LRRC40: variants seen among roughly 807,000 people sequenced by gnomAD.
LRRC40 encodes leucine-rich repeat-containing protein 40.
LRRC40 carries 76 observed loss-of-function variants against 72.8 expected under a neutral mutation model. The ratio of observed to expected loss-of-function variants is 1.04; its 90% confidence interval spans 0.87 to 1.26. The LOEUF is 1.26. LRRC40 is among the 50% of genes most tolerant of loss of function. LRRC40 has a pLI of 0.00. For synonymous variants in LRRC40, 243 were observed against 254.2 expected (o/e 0.96, Z 0.42); for missense variants, 684 against 698.9 (o/e 0.98, Z 0.24).
chr1:70,168,185 C>T (rs370998179), intron 9 of LRRC40, among the ~76,000 whole-genome samples: 126 of 152,268 alleles, frequency 8.3e-4, no homozygotes, highest in African/African-American at 3.0e-3. Context: ...ATCCTGCCAC[C>T]AGCTTCCTGT....
chr1:70,179,301 T>C (rs1668190014), intron 5 of LRRC40, among the ~76,000 whole-genome samples: 2 of 151,884 alleles, frequency 1.3e-5, no homozygotes, highest in East Asian at 1.9e-4. Flanking sequence ...GGGCAACATA[T>C]AGTGAAACAT....
At chr1:70,147,713 G>C (rs1166782862) in intron 14 of LRRC40, among the ~76,000 whole-genome samples, 1 of 152,104 alleles carries the variant, frequency 6.6e-6, no homozygotes, top group African/African-American at 2.4e-5. Flanking sequence ...TGAGGTACTA[G>C]AGCAGATACC....
At chr1:70,159,565 TG>T (rs1232754226) in intron 9 of LRRC40, 127 bp from the exon 10 acceptor site, 3 of 437,386 alleles carry the variant, frequency 6.9e-6, no homozygotes, top group Non-Finnish European at 1.3e-5. Context: ...TTTAGTCATA[TG>T]CTTTATTTCC....
intron 1 of LRRC40, among the ~76,000 whole-genome samples, chr1:70,203,712 G>A (rs1310440120): frequency 6.6e-6 from 1 of 152,134 alleles, no homozygotes; most frequent in Non-Finnish European, 1.5e-5. Context: ...TGAGAAATTA[G>A]GGCACAGAGT....
rs539045607 is a variant in LRRC40 at position 70,195,695 on chromosome 1, G to A, written c.152-6422C>T. On this transcript the variant is annotated intron_variant, in intron 1 of 14. Coordinates refer to ENST00000370952, the MANE Select transcript of LRRC40 (RefSeq NM_017768.5). ...CTCACCCAAGCTGGAGAGCAGTGGC[G>A]CAGTCCTGGCTCACTGCAACCTCCG... 3.9e-5 allele frequency among the ~76,000 whole-genome samples: 6 copies of A among 152,220 alleles called. No homozygotes were observed. The East Asian group carries it at 7.7e-4, about 20-fold the overall frequency.
Position 70,148,648 on chromosome 1 carries a change from T to G in LRRC40, c.1542A>C (p.Leu514=). 6.2e-7 allele frequency: 1 copy of G among 1,610,250 alleles called. No individual in the cohort carries two copies. The highest frequency in any genetic ancestry group is 1.1e-5 in the South Asian group (1 of 90,754). The change falls in exon 14 of 15, where the codon CTA becomes CTC. Residue 514 remains leucine (L), a synonymous_variant. Coordinates refer to ENST00000370952, the MANE Select transcript of LRRC40 (RefSeq NM_017768.5). ...FNRFKMLPEV[L]YRIFTLETIL... ...TTGTTTCAAGTGTGAAGATACGATA[T>G]AGAACTTCAGGTAGCATTTTAAACC...
intron 1 of LRRC40, among the ~76,000 whole-genome samples, chr1:70,192,083 G>C (rs557464173): frequency 6.6e-6 from 1 of 152,232 alleles, no homozygotes; most frequent in South Asian, 2.1e-4. Flanking sequence ...TAATGATATT[G>C]ATTATTCCTA....
intron 1 of LRRC40, among the ~76,000 whole-genome samples, chr1:70,191,383 G>A (rs948833541): frequency 1.4e-4 from 21 of 152,148 alleles, no homozygotes; most frequent in Admixed American, 1.2e-3. Context: ...ATGGAGAAAG[G>A]TGGGGATAAC....
intron 9 of LRRC40, among the ~76,000 whole-genome samples, chr1:70,162,105 T>A (rs1667777555): frequency 6.6e-6 from 1 of 151,950 alleles, no homozygotes; most frequent in African/African-American, 2.4e-5. Flanking sequence ...ATTTTTTAGA[T>A]TTTTTTAACG....
At chr1:70,167,895 G>A (rs992201905) in intron 9 of LRRC40, among the ~76,000 whole-genome samples, 3 of 152,172 alleles carry the variant, frequency 2.0e-5, no homozygotes, top group Admixed American at 6.5e-5. Flanking sequence ...GATTATAGGC[G>A]TGAGCCACCA....
In LRRC40 at chr1:70,151,148, C is replaced by T. The variant is rs1291749296; in HGVS notation, c.1497G>A (p.Thr499=). ...CTTACCTATTAAAGGAAAGATTGAT[C>T]GTTTGCAGTCTTACCAGTGATTCCA... ...EEMESLVRLQ[T]INLSFNRFKM... is the part of the protein sequence containing the mutation. Residue 499 remains threonine (T), a synonymous_variant, in exon 13 of 15, where the codon ACG becomes ACA. Coordinates refer to ENST00000370952, the MANE Select transcript of LRRC40 (RefSeq NM_017768.5). 2.5e-6 allele frequency: 4 copies of T among 1,574,272 alleles called. No homozygotes were observed. The highest frequency in any genetic ancestry group is 3.4e-5 in the Admixed American group (2 of 59,574).
At chr1:70,148,157 A>C (rs968487142) in intron 14 of LRRC40, among the ~76,000 whole-genome samples, 2 of 144,456 alleles carry the variant, frequency 1.4e-5, no homozygotes, top group African/African-American at 2.5e-5. Context: ...AAAAAAAAAA[A>C]CCCTGTATTC....
chr1:70,205,521 A>G lies in LRRC40; in HGVS notation c.20T>C (p.Ile7Thr), dbSNP rs1571515305. Residue 7 changes from isoleucine to threonine, a missense_variant, in exon 1 of 15, where the codon ATA (isoleucine) becomes ACA (threonine). Transcript: ENST00000370952. MSRLKR[I>T]AGQDLRAGFK... Reference sequence around the variant, plus strand: ...ACCAGCGCGGAGATCCTGCCCCGCTATCCGCTTCAGGCGCGACATGTTCAA... The same window carrying G: ...ACCAGCGCGGAGATCCTGCCCCGCTGTCCGCTTCAGGCGCGACATGTTCAA... 6.3e-7 allele frequency: 1 copy of G among 1,598,424 alleles called. No homozygotes were observed. Among genetic ancestry groups the G allele is most frequent in the Middle Eastern group, 1.7e-4 (1 of 5,872 alleles).
chr1:70,153,924 G>A (rs1444650348), intron 11 of LRRC40, among the ~76,000 whole-genome samples: 2 of 143,712 alleles, frequency 1.4e-5, no homozygotes, highest in East Asian at 2.1e-4. Flanking sequence ...ACTGAGCCGC[G>A]ATTGTGCCAG....
chr1:70,161,800 T>C (rs1667770660), intron 9 of LRRC40, among the ~76,000 whole-genome samples: 2 of 152,162 alleles, frequency 1.3e-5, no homozygotes, highest in African/African-American at 2.4e-5. Flanking sequence ...TGGTTATTTA[T>C]TTGTTCCTTC....
chr1:70,203,547 T>C (rs1228203743), intron 1 of LRRC40, among the ~76,000 whole-genome samples: 2 of 152,184 alleles, frequency 1.3e-5, no homozygotes, highest in African/African-American at 4.8e-5. Flanking sequence ...AAGAGTGAGA[T>C]GTAAAGTAAA....
chr1:70,199,328 C>A (rs1396743531), intron 1 of LRRC40, among the ~76,000 whole-genome samples: 1 of 151,852 alleles, frequency 6.6e-6, no homozygotes, highest in African/African-American at 2.4e-5. Flanking sequence ...ATGCTTTTCT[C>A]TATAGATTCT....
chr1:70,172,667 T>C (rs1668023063), intron 9 of LRRC40, among the ~76,000 whole-genome samples: 1 of 152,146 alleles, frequency 6.6e-6, no homozygotes, highest in African/African-American at 2.4e-5. Context: ...TGGTAGAAAA[T>C]AAGAGTCTTA....
rs1007395464 is a variant in LRRC40, at chr1:70,189,367, A to G, written c.152-94T>C. The G allele has an allele frequency of 2.4e-4, 242 of 1,006,336 alleles. 1 individual carries two copies. Among genetic ancestry groups the G allele is most frequent in the Non-Finnish European group, 3.1e-4 (221 of 705,628 alleles). The allele number at this position is 1,006,336 out of a possible 1,614,324, so 62.3% of individuals were successfully genotyped here. A position where few individuals can be genotyped will look rare whatever the true frequency, so the allele number is the denominator to read the frequency against. On this transcript the variant is annotated intron_variant, in intron 1 of 14. Coordinates refer to ENST00000370952, the MANE Select transcript of LRRC40 (RefSeq NM_017768.5). ...TAAGTGACATGCTTTTATAATAGCC[A>G]TTCCATTTATCTATTGAAAAACATT...
Sources: allele counts gnomAD v4.1 joint callset (sites outside exome capture counted in the v4.1 genomes callset), GRCh38; gene constraint gnomAD v4.1.1; transcripts MANE v1.5; gene names NCBI Gene and HGNC (gene_info 2026-07-23, HGNC 2026-07-21).